Variants in ACOT7 observed in about 807,000 individuals in gnomAD.
ACOT7 encodes the protein cytosolic acyl coenzyme A thioester hydrolase.
ACOT7 carries 12 observed loss-of-function variants against 40.2 expected under a neutral mutation model. The ratio of observed to expected loss-of-function variants is 0.30; its 90% CI spans 0.19 to 0.48. ACOT7 has a LOEUF of 0.48. ACOT7 is among the 20% of genes least tolerant of loss of function. The pLI, the probability that ACOT7 is intolerant of heterozygous loss-of-function variation, is 0.99. For synonymous variants in ACOT7, 228 were observed against 219.5 expected (o/e 1.04, Z -0.34); for missense variants, 395 against 530.8 (o/e 0.74, Z 2.51).
Position 6,330,085 on chromosome 1 carries a change from G to A in ACOT7, c.511-2672C>T, listed in dbSNP as rs1353877720. Among the ~76,000 whole-genome samples, 2 of 152,154 alleles carry A rather than the reference G, an allele frequency of 1.3e-5. No individual in the cohort carries two copies. The highest frequency in any genetic ancestry group is 6.5e-5 in the Admixed American group (1 of 15,278). On this transcript the variant is annotated intron_variant, in intron 4 of 8. Transcript: ENST00000361521. The surrounding 1 kb of genome is among the most constrained non-coding windows in gnomAD (Gnocchi z 4.6). ...GTGTGTGGTGTGTGTGTGTGTGTGC[G>A]TGTTCAAGATATCTACATGCATACG...
intron 2 of ACOT7, among the ~76,000 whole-genome samples, chr1:6,345,621 C>T (rs535224141): frequency 6.6e-6 from 1 of 152,204 alleles, no homozygotes; most frequent in Non-Finnish European, 1.5e-5. Context: ...ACGTCAAGTG[C>T]GTGGACCATG....
Position 6,278,753 on chromosome 1 carries a change from G to A in ACOT7, c.1014+2349C>T, listed in dbSNP as rs568939640. Among the ~76,000 whole-genome samples, 26 of 152,334 alleles carry A rather than the reference G, an allele frequency of 1.7e-4. No individual in the cohort carries two copies. The East Asian group carries it at 3.3e-3, about 19-fold the overall frequency. ...TGTCAAAGCCAAGGGTTCGGGGACC[G>A]TGTGGTGGCCGGGGAGGCTGGAGTA... On this transcript the variant is annotated intron_variant, in intron 8 of 8. Transcript: ENST00000361521. This position sits in a 1 kb window ranked among gnomAD's most constrained non-coding sequence, Gnocchi z 4.1.
chr1:6,309,415 T>C (rs753830642), intron 6 of ACOT7, among the ~76,000 whole-genome samples: 1 of 152,084 alleles, frequency 6.6e-6, no homozygotes, highest in Non-Finnish European at 1.5e-5. Context: ...GTCGGCCTGC[T>C]CCTGCCCTGA....
intron 8 of ACOT7, among the ~76,000 whole-genome samples, chr1:6,266,141 A>G (rs536592947): frequency 6.6e-6 from 1 of 152,378 alleles, no homozygotes; most frequent in East Asian, 1.9e-4. Flanking sequence ...ACTTTATTGA[A>G]GAAGTCCCTC....
intron 1 of ACOT7, among the ~76,000 whole-genome samples, chr1:6,360,368 G>A (rs1045515190): frequency 2.0e-5 from 3 of 152,204 alleles, no homozygotes; most frequent in African/African-American, 7.2e-5. Context: ...CAGGCAGCCT[G>A]CCGGGGCCCA....
rs1452748292 is a variant in ACOT7 at position 6,306,032 on chromosome 1, T to A, written c.713-11052A>T. On this transcript the variant is annotated intron_variant, in intron 6 of 8. Transcript: ENST00000361521. This position sits in a 1 kb window ranked among gnomAD's most constrained non-coding sequence, Gnocchi z 4.3. ...CGAAACCCCGTCTCCACCAAAAAAA[T>A]ACGAAAACCAGTCAGGCGTGGCGGC... 2.6e-5 allele frequency among the ~76,000 whole-genome samples: 4 copies of A among 151,812 alleles called. No homozygotes were observed. In the East Asian group the frequency reaches 7.8e-4, roughly 29 times the overall value.
At chr1:6,328,461 G>A (rs1426910269) in intron 4 of ACOT7, among the ~76,000 whole-genome samples, 1 of 152,092 alleles carries the variant, frequency 6.6e-6, no homozygotes, top group Non-Finnish European at 1.5e-5. Flanking sequence ...AGGAGTTCGA[G>A]ACTAGCCTGG....
At chr1:6,297,652 C>A (rs3789499) in intron 6 of ACOT7, among the ~76,000 whole-genome samples, 3 of 152,034 alleles carry the variant, frequency 2.0e-5, no homozygotes, top group Non-Finnish European at 4.4e-5. Context: ...GAGCACCTGG[C>A]GAGATGTGAA....
Position 6,318,528 on chromosome 1 carries a change from G to T in ACOT7, c.676C>A (p.Pro226Thr), listed in dbSNP as rs1640557418. 1 of 1,614,146 alleles carries T rather than the reference G, an allele frequency of 6.2e-7. No individual in the cohort carries two copies. The highest frequency in any genetic ancestry group is 8.5e-7 in the Non-Finnish European group (1 of 1,180,010). ...SQSSLIHLVG[P>T]SDCTLHGFVH... ...AAGCCGTGCAGGGTGCAGTCTGAAG[G>T]CCCCACCAGGTGGATCAAGCTGGAC... The change falls in exon 6 of 9, where the codon CCT (proline) becomes ACT (threonine). Residue 226 changes from proline to threonine, a missense_variant. Transcript: ENST00000361521.
At position 6,270,817 on chromosome 1, in the gene ACOT7, G is replaced by A. The variant is rs72632594; in HGVS notation, c.1015-6122C>T. ...ATACCTGAGGCCAAGTGCAGCCTGGGAACTGCTCCAAGGACTGTCCTGCTG... is the reference window on the plus strand; with the variant it reads ...ATACCTGAGGCCAAGTGCAGCCTGGAAACTGCTCCAAGGACTGTCCTGCTG... On this transcript the variant is annotated intron_variant, in intron 8 of 8. Coordinates refer to ENST00000361521, the MANE Select transcript of ACOT7 (RefSeq NM_007274.4). Among the ~76,000 whole-genome samples, 773 of 152,332 alleles carry A rather than the reference G, an allele frequency of 5.1e-3. 3 individuals carry two copies. Among genetic ancestry groups the A allele is most frequent in the Non-Finnish European group, 8.7e-3 (592 of 68,018 alleles).
chr1:6,388,217 T>C (rs1422123666), intron 1 of ACOT7, among the ~76,000 whole-genome samples: 1 of 151,906 alleles, frequency 6.6e-6, no homozygotes, highest in African/African-American at 2.4e-5. Flanking sequence ...CATGCCACTC[T>C]CCTGCCTGCA....
Position 6,390,032 on chromosome 1 carries a change from G to C in ACOT7, c.143+3225C>G, listed in dbSNP as rs532990075. 1.9e-4 allele frequency among the ~76,000 whole-genome samples: 29 copies of C among 152,116 alleles called. 1 individual carries two copies. The highest frequency in any genetic ancestry group is 1.0e-3 in the Admixed American group (16 of 15,254). On this transcript the variant is annotated intron_variant, in intron 1 of 8. Coordinates refer to ENST00000361521, the MANE Select transcript of ACOT7 (RefSeq NM_007274.4). ...CCAGGAGGCTCCTCTTTCAACTTGG[G>C]GTGTCAGCTCAGATGTCCTTAAAGG...
At chr1:6,333,040 T>C (rs1215347852) in intron 4 of ACOT7, among the ~76,000 whole-genome samples, 1 of 152,128 alleles carries the variant, frequency 6.6e-6, no homozygotes, top group Non-Finnish European at 1.5e-5. Context: ...GGGGAACAGC[T>C]GGCCCGGCCC....
At chr1:6,364,656 T>C (rs982466763) in intron 1 of ACOT7, among the ~76,000 whole-genome samples, 3 of 151,546 alleles carry the variant, frequency 2.0e-5, no homozygotes, top group Non-Finnish European at 4.4e-5. Context: ...GAGACTATCC[T>C]GGCCAACATG....
At chr1:6,326,942 A>G (rs1455363340) in intron 5 of ACOT7, among the ~76,000 whole-genome samples, 3 of 152,002 alleles carry the variant, frequency 2.0e-5, no homozygotes, top group African/African-American at 7.2e-5. Context: ...AAAAAAAAAA[A>G]AAAAAGAAAA....
At position 6,392,786 on chromosome 1, in the gene ACOT7, C is replaced by T. The variant is rs192079110; in HGVS notation, c.143+471G>A. 9.2e-5 allele frequency among the ~76,000 whole-genome samples: 14 copies of T among 152,242 alleles called. No homozygotes were observed. In the East Asian group the frequency reaches 1.5e-3, roughly 17 times the overall value. ...GCTCGCGCGGCTCTGGGCACCTCCC[C>T]TCCACCTCTGGGGGCTTTGGTTAGC... On this transcript the variant is annotated intron_variant, in intron 1 of 8. Transcript: ENST00000361521.
intron 5 of ACOT7, among the ~76,000 whole-genome samples, chr1:6,319,942 T>C (rs984290814): frequency 6.6e-6 from 1 of 152,154 alleles, no homozygotes; most frequent in East Asian, 1.9e-4. Flanking sequence ...TCCCACTTGA[T>C]GTCTCTGGCC....
At chr1:6,362,429 T>G (rs560667125) in intron 1 of ACOT7, among the ~76,000 whole-genome samples, 11 of 142,170 alleles carry the variant, frequency 7.7e-5, no homozygotes, top group African/African-American at 2.9e-4. Context: ...AAACTCCGTC[T>G]CAAAAAAAAA....
At chr1:6,335,436 T>C (rs959187977) in intron 3 of ACOT7, among the ~76,000 whole-genome samples, 30 of 151,384 alleles carry the variant, frequency 2.0e-4, no homozygotes, top group African/African-American at 7.3e-4. Flanking sequence ...GAGATTACAG[T>C]GAGCCTAGAT....
Sources: gnomAD v4.1 joint callset for allele counts (sites outside exome capture counted in the v4.1 genomes callset) on GRCh38, gnomAD v4.1.1 for gene constraint, Gnocchi (gnomAD v3.1) non-coding constraint, MANE v1.5 for transcripts, NCBI Gene and HGNC (gene_info 2026-07-23, HGNC 2026-07-21) for gene names.